Variants in FAM13C observed in about 807,000 individuals in gnomAD.
FAM13C encodes family with sequence similarity 13 member C.
Under a neutral mutation model 73.2 loss-of-function variants are expected in FAM13C, and 37 were observed. The observed-to-expected ratio is 0.51, with a 90% confidence interval of 0.39 to 0.67. FAM13C has a LOEUF of 0.67. Among genes scored for constraint, FAM13C ranks in the 30% least tolerant of loss-of-function variants. FAM13C has a pLI of 0.00. For missense variants in FAM13C, 589 were observed against 715.6 expected (o/e 0.82, Z 2.02); for synonymous variants, 246 against 260.9 (o/e 0.94, Z 0.55).
intron 4 of FAM13C, among the ~76,000 whole-genome samples, chr10:59,317,718 T>C (rs1589586605): frequency 6.6e-6 from 1 of 152,178 alleles, no homozygotes; most frequent in Non-Finnish European, 1.5e-5. Context: ...TATGATCTGC[T>C]TGATGTAAAT....
At position 59,254,442 on chromosome 10, in the gene FAM13C, A is replaced by G; in HGVS notation, c.1238T>C (p.Val413Ala). The G allele has an allele frequency of 6.8e-7, 1 of 1,477,734 alleles. No individual in the cohort carries two copies. Among genetic ancestry groups the G allele is most frequent in the Non-Finnish European group, 9.0e-7 (1 of 1,107,824 alleles). The allele number at this position is 1,477,734 out of a possible 1,614,324, so 91.5% of individuals were successfully genotyped here. Residue 413 changes from valine to alanine, a missense_variant and splice_region_variant, in exon 11 of 14, where the codon GTA (valine) becomes GCA (alanine). Coordinates refer to ENST00000618804, the MANE Select transcript of FAM13C (RefSeq NM_198215.4). ...TATGAGGTTCTTGTCTTGCTTAGTTACCTGAAAAACATGAAATTAATTATT... is the reference window on the plus strand; with the variant it reads ...TATGAGGTTCTTGTCTTGCTTAGTTGCCTGAAAAACATGAAATTAATTATT... The part of the protein sequence containing the change: ...EQLPPQEDSK[V>A]TKQDKNLIKP...
intron 13 of FAM13C, among the ~76,000 whole-genome samples, chr10:59,250,005 A>C (rs1841214249): frequency 6.6e-6 from 1 of 152,248 alleles, no homozygotes; most frequent in African/African-American, 2.4e-5. Flanking sequence ...ATTGCTAAAA[A>C]ATATAAATTT....
At chr10:59,304,360 A>C (rs1847959606) in intron 4 of FAM13C, among the ~76,000 whole-genome samples, 1 of 152,146 alleles carries the variant, frequency 6.6e-6, no homozygotes. Flanking sequence ...CTTTCATTTA[A>C]TTAGATCCCA....
chr10:59,344,435 C>T (rs1160125195), intron 3 of FAM13C, among the ~76,000 whole-genome samples: 6 of 131,564 alleles, frequency 4.6e-5, no homozygotes, highest in African/African-American at 1.1e-4. Context: ...CCCGCCACCA[C>T]GCACGGCTGA....
At chr10:59,291,793 T>G (rs954713457) in intron 5 of FAM13C, among the ~76,000 whole-genome samples, 29 of 144,710 alleles carry the variant, frequency 2.0e-4, no homozygotes, top group Non-Finnish European at 2.9e-4. Context: ...CCCTTTTTTT[T>G]TTTTTTTTTT....
chr10:59,266,041 C>T (rs1843024022), intron 8 of FAM13C, among the ~76,000 whole-genome samples: 1 of 152,200 alleles, frequency 6.6e-6, no homozygotes, highest in African/African-American at 2.4e-5. Flanking sequence ...CAAAAAGACA[C>T]ATTAGAAAAA....
intron 3 of FAM13C, among the ~76,000 whole-genome samples, chr10:59,338,916 C>T (rs68194090): frequency 0.16 from 24,125 of 152,162 alleles, 2,174 homozygotes; most frequent in East Asian, 0.32. Flanking sequence ...AATTTGTTGG[C>T]TTAAAAACAG....
intron 3 of FAM13C, among the ~76,000 whole-genome samples, chr10:59,344,784 T>C (rs1205915846): frequency 1.3e-5 from 2 of 152,200 alleles, no homozygotes; most frequent in Non-Finnish European, 2.9e-5. Context: ...ACTGCAGCTA[T>C]AGACCATGCA....
upstream of FAM13C, chr10:59,362,599 T>C: frequency 1.3e-6 from 2 of 1,492,130 alleles, no homozygotes; most frequent in Non-Finnish European, 8.9e-7. Flanking sequence ...CTGCACATGC[T>C]CGTAACGACA....
intron 10 of FAM13C, among the ~76,000 whole-genome samples, chr10:59,257,639 T>A (rs1040908699): frequency 6.6e-6 from 1 of 152,162 alleles, no homozygotes; most frequent in African/African-American, 2.4e-5. Flanking sequence ...CCCATCCCCT[T>A]ATTGAGGGAG....
intron 8 of FAM13C, among the ~76,000 whole-genome samples, chr10:59,265,335 G>GA (rs1554811451): frequency 0.014 from 222 of 16,062 alleles, 63 homozygotes; most frequent in African/African-American, 0.035. Context: ...GGGGGGGGGG[G>GA]AATCCTGGTT....
At chr10:59,308,227 G>A (rs1206475557) in intron 4 of FAM13C, among the ~76,000 whole-genome samples, 1 of 152,154 alleles carries the variant, frequency 6.6e-6, no homozygotes, top group Non-Finnish European at 1.5e-5. Context: ...TCCTGGCAAT[G>A]AGAAATGCAG....
intron 4 of FAM13C, among the ~76,000 whole-genome samples, chr10:59,319,887 C>T (rs1415911535): frequency 1.3e-5 from 2 of 152,076 alleles, no homozygotes; most frequent in Non-Finnish European, 2.9e-5. Flanking sequence ...CAATGGAAGT[C>T]CATATTAAAA....
intron 10 of FAM13C, among the ~76,000 whole-genome samples, chr10:59,260,024 CTCTAGTTT>C (rs1402532843): frequency 1.1e-4 from 17 of 152,102 alleles, no homozygotes; most frequent in African/African-American, 4.1e-4. Context: ...CAGTGTGCTC[CTCTAGTTT>C]TCTCTGTATC....
At chr10:59,315,941 T>C (rs752536104) in intron 4 of FAM13C, among the ~76,000 whole-genome samples, 1 of 152,160 alleles carries the variant, frequency 6.6e-6, no homozygotes, top group Non-Finnish European at 1.5e-5. Context: ...ATATCTCTTT[T>C]TTTCTTTTAA....
At chr10:59,263,284 G>A (rs1234640243) in intron 9 of FAM13C, among the ~76,000 whole-genome samples, 3 of 152,162 alleles carry the variant, frequency 2.0e-5, no homozygotes, top group Admixed American at 6.6e-5. Flanking sequence ...GGTACTGGTT[G>A]TTTGAATGAG....
At chr10:59,306,196 T>C (rs978629239) in intron 4 of FAM13C, among the ~76,000 whole-genome samples, 4 of 152,134 alleles carry the variant, frequency 2.6e-5, no homozygotes, top group Non-Finnish European at 4.4e-5. Context: ...GTAAAACAAA[T>C]AACCAAGTAG....
rs529416144 is a variant in FAM13C, at chr10:59,343,850, G to A, written c.324+8420C>T. Among the ~76,000 whole-genome samples the A allele has an allele frequency of 1.2e-4, 18 of 152,224 alleles. No homozygotes were observed. In the South Asian group the frequency reaches 3.5e-3, roughly 30 times the overall value. Reference sequence around the variant, plus strand: ...CGTATTTGGGTTATTTGTTATTGCAGCAGAGTTCAGCCTAGCCCACCACAT... The same window carrying A: ...CGTATTTGGGTTATTTGTTATTGCAACAGAGTTCAGCCTAGCCCACCACAT... On this transcript the variant is annotated intron_variant, in intron 3 of 13. Transcript: ENST00000618804.
chr10:59,342,996 T>C (rs1012947094), intron 3 of FAM13C, among the ~76,000 whole-genome samples: 1 of 152,214 alleles, frequency 6.6e-6, no homozygotes, highest in Admixed American at 6.5e-5. Flanking sequence ...TCTGACAATA[T>C]CCAGATTGTT....
Sources: allele counts gnomAD v4.1 joint callset (sites outside exome capture counted in the v4.1 genomes callset), GRCh38; gene constraint gnomAD v4.1.1; transcripts MANE v1.5; gene names NCBI Gene and HGNC (gene_info 2026-07-23, HGNC 2026-07-21).